The following EVI5 variants were observed in gnomAD, a reference collection of about 807,000 sequenced individuals.
EVI5 encodes the protein ecotropic viral integration site 5 protein homolog.
EVI5 carries 73 observed loss-of-function variants against 112.0 expected under a neutral mutation model. That is an observed-to-expected ratio of 0.65 (90% CI 0.54 to 0.79). EVI5 has a LOEUF of 0.79. EVI5 is among the 30% of genes least tolerant of loss of function. The probability of loss-of-function intolerance (pLI) is 0.00; values close to 1 mark genes in which losing one functional copy is unlikely to be tolerated. For missense variants in EVI5, 900 were observed against 968.8 expected (o/e 0.93, Z 0.94); for synonymous variants, 305 against 319.9 (o/e 0.95, Z 0.50).
chr1:92,734,442 C>G (rs1677015712), intron 2 of EVI5, among the ~76,000 whole-genome samples: 1 of 151,222 alleles, frequency 6.6e-6, no homozygotes, highest in Non-Finnish European at 1.5e-5. Context: ...CCAGAAAATA[C>G]TACTATAAGC....
At chr1:92,760,287 G>A (rs1294872789) in intron 1 of EVI5, among the ~76,000 whole-genome samples, 1 of 152,186 alleles carries the variant, frequency 6.6e-6, no homozygotes, top group Non-Finnish European at 1.5e-5. Context: ...ACTGAGGTCA[G>A]GATTGCAGGT....
intron 10 of EVI5, among the ~76,000 whole-genome samples, chr1:92,666,777 CTACAG>C (rs1215458703): frequency 6.6e-6 from 1 of 152,138 alleles, no homozygotes. Flanking sequence ...TAAATACACT[CTACAG>C]TACATATAGA....
intron 13 of EVI5, among the ~76,000 whole-genome samples, chr1:92,651,845 C>T (rs1455563013): frequency 1.1e-5 from 1 of 93,170 alleles, no homozygotes; most frequent in South Asian, 4.4e-4. Context: ...AGCGAGACTC[C>T]GTCTCAAAAA....
At chr1:92,620,445 A>G (rs545800803) in intron 16 of EVI5, among the ~76,000 whole-genome samples, 320 of 151,638 alleles carry the variant, frequency 2.1e-3, no homozygotes, top group African/African-American at 7.3e-3. Flanking sequence ...AAAAAAAAAA[A>G]AGAGAGAAAA....
chr1:92,614,836 TATTTTATATA>T lies in EVI5; in HGVS notation c.1828-7119_1828-7110del, dbSNP rs1557904210. Among the ~76,000 whole-genome samples, 18 of 17,564 alleles carry T rather than the reference TATTTTATATA, an allele frequency of 1.0e-3. No individual in the cohort carries two copies. The Admixed American group carries it at 0.011, about 11-fold the overall frequency. 11.5% of individuals were successfully genotyped at this position (17,564 alleles called of 152,430 possible). A position where few individuals can be genotyped will look rare whatever the true frequency, so the allele number is the denominator to read the frequency against. On this transcript the variant is annotated intron_variant, in intron 16 of 19. Transcript: ENST00000684568. The stretch of plus-strand genomic sequence containing the variant: ...TATAATATACATGTATTTTATGTTA[TATTTTATATA>T]TATATATATATATATATATATATAT...
intron 19 of EVI5, among the ~76,000 whole-genome samples, chr1:92,545,126 C>T (rs1665461743): frequency 6.6e-6 from 1 of 152,216 alleles, no homozygotes; most frequent in Admixed American, 6.5e-5. Flanking sequence ...GAGAGAGCTA[C>T]ATATTCATCT....
intron 2 of EVI5, among the ~76,000 whole-genome samples, chr1:92,720,705 C>T (rs548983499): frequency 6.6e-6 from 1 of 152,204 alleles, no homozygotes; most frequent in Admixed American, 6.5e-5. Context: ...AGCTTCTGCA[C>T]AGCAAAAGAA....
intron 2 of EVI5, among the ~76,000 whole-genome samples, chr1:92,719,385 G>C (rs999803180): frequency 1.3e-5 from 2 of 151,938 alleles, no homozygotes; most frequent in Non-Finnish European, 2.9e-5. Context: ...TGCAAGGCTG[G>C]TTCAACATAC....
chr1:92,581,740 T>C (rs1671966574), intron 18 of EVI5, among the ~76,000 whole-genome samples: 2 of 150,714 alleles, frequency 1.3e-5, no homozygotes, highest in Admixed American at 1.3e-4. Flanking sequence ...TTGGGGTAGG[T>C]AATTCTGGGA....
At chr1:92,610,472 A>C (rs578228318) in intron 16 of EVI5, among the ~76,000 whole-genome samples, 1 of 152,334 alleles carries the variant, frequency 6.6e-6, no homozygotes, top group East Asian at 1.9e-4. Context: ...CAGCAGACAG[A>C]AAAAATATAT....
chr1:92,748,548 C>T (rs569962793), intron 1 of EVI5, among the ~76,000 whole-genome samples: 18 of 152,222 alleles, frequency 1.2e-4, no homozygotes, highest in African/African-American at 4.3e-4. Context: ...TGTTACACCG[C>T]TACAGTAACT....
intron 18 of EVI5, among the ~76,000 whole-genome samples, chr1:92,587,561 T>A (rs368679154): frequency 2.0e-4 from 30 of 152,192 alleles, no homozygotes; most frequent in African/African-American, 7.2e-4. Flanking sequence ...TTCCTCTCCA[T>A]CTCTGTCAAA....
At chr1:92,579,436 C>CA (rs1571666371) in intron 18 of EVI5, among the ~76,000 whole-genome samples, 1 of 151,834 alleles carries the variant, frequency 6.6e-6, no homozygotes, top group East Asian at 1.9e-4. Context: ...GACCAAGGTA[C>CA]AAAAAATAAA....
In EVI5 at chr1:92,509,437, A is replaced by C. The variant is rs200313621; in HGVS notation, c.*4219T>G. On this transcript the variant is annotated 3_prime_UTR_variant, in exon 20 of 20. Coordinates refer to ENST00000684568, the MANE Select transcript of EVI5 (RefSeq NM_001350197.2). ...ACAAACAAACAAACAAACAAACAAA[A>C]AAGACGGTGGGGGCAGAAATTGTGT... The C allele has an allele frequency of 6.5e-6, 1 of 152,788 alleles. No individual in the cohort carries two copies. Among genetic ancestry groups the C allele is most frequent in the South Asian group, 2.1e-4 (1 of 4,836 alleles). The allele number at this position is 152,788 out of a possible 1,614,324, so 9.5% of individuals were successfully genotyped here.
chr1:92,727,103 G>A (rs1052914666), intron 2 of EVI5, among the ~76,000 whole-genome samples: 9 of 152,112 alleles, frequency 5.9e-5, no homozygotes, highest in South Asian at 2.1e-4. Context: ...GAAAGAAGTC[G>A]GTTACAAAAG....
chr1:92,765,908 T>C (rs1406625911), intron 1 of EVI5, among the ~76,000 whole-genome samples: 2 of 151,756 alleles, frequency 1.3e-5, no homozygotes, highest in African/African-American at 4.8e-5. Flanking sequence ...AGATCTCATA[T>C]CCACAAAAAA....
At chr1:92,622,384 G>A in intron 16 of EVI5, 1 of 414,712 alleles carries the variant, frequency 2.4e-6, no homozygotes, top group Non-Finnish European at 4.8e-6. Context: ...AAAACGGTAA[G>A]AACCTTTGTA....
chr1:92,767,424 CCA>C (rs1291267828), intron 1 of EVI5, among the ~76,000 whole-genome samples: 1 of 152,150 alleles, frequency 6.6e-6, no homozygotes, highest in Non-Finnish European at 1.5e-5. Context: ...TTGGTCCCAT[CCA>C]CAGTTTCAGG....
intron 1 of EVI5, among the ~76,000 whole-genome samples, chr1:92,768,707 T>G (rs1226367479): frequency 2.0e-5 from 3 of 152,046 alleles, no homozygotes; most frequent in African/African-American, 7.3e-5. Flanking sequence ...AAGCCCCATC[T>G]CTACAAAAAA....
Sources: allele counts gnomAD v4.1 joint callset (sites outside exome capture counted in the v4.1 genomes callset), GRCh38; gene constraint gnomAD v4.1.1; transcripts MANE v1.5; gene names NCBI Gene and HGNC (gene_info 2026-07-23, HGNC 2026-07-21).